The following NBPF9 variants were observed in gnomAD, a reference collection of about 807,000 sequenced individuals.
NBPF9 encodes the protein NBPF family member NBPF9.
A neutral mutation model predicts 97.8 loss-of-function variants in NBPF9; 91 were observed. The observed-to-expected ratio is 0.93, with a 90% CI of 0.79 to 1.11. NBPF9 has a LOEUF of 1.11. Among genes scored for constraint, NBPF9 ranks in the 50% least tolerant of loss-of-function variants. The pLI is 0.00. For missense variants in NBPF9, 992 were observed against 939.5 expected (o/e 1.06, Z -0.73); for synonymous variants, 334 against 359.5 (o/e 0.93, Z 0.80).
At chr1:149,062,381 T>C (rs1279266830) in intron 21 of NBPF9, 116 bp from the exon 22 acceptor site, 1 of 663,000 alleles carries the variant, frequency 1.5e-6, no homozygotes, top group Non-Finnish European at 2.8e-6. Context: ...GACAGATCCA[T>C]TAATGAGGTA....
At chr1:149,067,911 G>T (rs1243618242) in intron 17 of NBPF9, among the ~76,000 whole-genome samples, 1 of 145,500 alleles carries the variant, frequency 6.9e-6, no homozygotes, top group African/African-American at 2.7e-5. Context: ...CGTTGAACTA[G>T]TTTACAGTCC....
rs1434696181 is a variant in NBPF9 at position 149,074,700 on chromosome 1, C to T, written c.989-830G>A. 7.3e-5 allele frequency among the ~76,000 whole-genome samples: 11 copies of T among 151,294 alleles called. No individual in the cohort carries two copies. The South Asian group carries it at 8.4e-4, about 12-fold the overall frequency. ...CTGCACTGCTATCTCCACACATTCTCGGGTGCGAACTTTCTTCCTCTTTAG... is the reference window on the plus strand; with the variant it reads ...CTGCACTGCTATCTCCACACATTCTTGGGTGCGAACTTTCTTCCTCTTTAG... On this transcript the variant is annotated intron_variant, in intron 12 of 29. Coordinates refer to ENST00000584027, the Ensembl canonical transcript of NBPF9.
At chr1:149,063,327 G>T (rs1368608521) in intron 20 of NBPF9, among the ~76,000 whole-genome samples, 1 of 119,174 alleles carries the variant, frequency 8.4e-6, no homozygotes, top group Non-Finnish European at 1.7e-5. Context: ...AAATCTACAA[G>T]ATCTACAAAA....
chr1:149,062,877 T>C (rs1553650484), exon 21 of NBPF9: 2 of 750,450 alleles, frequency 2.7e-6, no homozygotes, highest in African/African-American at 1.8e-5. Context: ...GCATGATGGG[T>C]CTTGGTCTTC....
chr1:149,070,848 T>G (rs1223813141), intron 16 of NBPF9, 86 bp downstream of exon 16: 4 of 1,357,922 alleles, frequency 2.9e-6, no homozygotes, highest in Non-Finnish European at 4.2e-6. Flanking sequence ...TTTATTCAAA[T>G]GAATTTGTGT....
chr1:149,099,743 G>C (rs1320161305), intron 3 of NBPF9, among the ~76,000 whole-genome samples: 8 of 152,014 alleles, frequency 5.3e-5, no homozygotes, highest in African/African-American at 1.9e-4. Flanking sequence ...CCAACACTTT[G>C]AGATGCCAAG....
At chr1:149,081,997 G>A (rs782294304) in exon 7 of NBPF9, 10 of 1,605,786 alleles carry the variant, frequency 6.2e-6, no homozygotes, top group Middle Eastern at 2.1e-4. Context: ...CAGGAAGCCG[G>A]CCAGTTGAGT....
chr1:149,095,991 C>T (rs2081738341), intron 4 of NBPF9, among the ~76,000 whole-genome samples: 1 of 151,738 alleles, frequency 6.6e-6, no homozygotes, highest in Non-Finnish European at 1.5e-5. Flanking sequence ...AATAAACAAA[C>T]TGTGTTGTAG....
At chr1:149,086,683 A>T (rs1314136318) in intron 5 of NBPF9, among the ~76,000 whole-genome samples, 1 of 152,176 alleles carries the variant, frequency 6.6e-6, no homozygotes, top group Non-Finnish European at 1.5e-5. Flanking sequence ...CATATAGCTT[A>T]GAAGGTACAT....
chr1:149,069,079 A>G (rs1478826764), intron 17 of NBPF9, among the ~76,000 whole-genome samples: 1 of 152,204 alleles, frequency 6.6e-6, no homozygotes, highest in Non-Finnish European at 1.5e-5. Context: ...ACCAATGAGA[A>G]CAAAGACAAA....
rs1445975612 is a variant in NBPF9, at chr1:149,061,267, T to C, written c.2303+65A>G. On this transcript the variant is annotated intron_variant, in intron 23 of 29. Transcript: ENST00000584027. ...TAATCGATAATGTCAGCCCGCTCTGTTTTCCCTGAACCAGGAGTCTCCAGA... is the reference window on the plus strand; with the variant it reads ...TAATCGATAATGTCAGCCCGCTCTGCTTTCCCTGAACCAGGAGTCTCCAGA... 1.1e-5 allele frequency: 4 copies of C among 359,650 alleles called. 1 individual carries two copies. The highest frequency in any genetic ancestry group is 5.5e-5 in the South Asian group (2 of 36,600). The allele number at this position is 359,650 out of a possible 1,614,324, so 22.3% of individuals were successfully genotyped here. A position where few individuals can be genotyped will look rare whatever the true frequency, so the allele number is the denominator to read the frequency against.
intron 16 of NBPF9, 88 bp from the exon 17 acceptor site, chr1:149,069,733 T>G: frequency 3.4e-6 from 3 of 886,306 alleles, no homozygotes; most frequent in Non-Finnish European, 5.7e-6. Context: ...GCCAAGGACA[T>G]AACTATTCTC....
At chr1:149,084,531 C>T (rs1199135582) in intron 5 of NBPF9, among the ~76,000 whole-genome samples, 2 of 147,864 alleles carry the variant, frequency 1.4e-5, no homozygotes, top group Non-Finnish European at 3.0e-5. Flanking sequence ...AGCTCTCCGC[C>T]TCCCCCACCC....
chr1:149,093,197 G>A (rs1430474017), intron 4 of NBPF9, among the ~76,000 whole-genome samples: 1 of 151,486 alleles, frequency 6.6e-6, no homozygotes, highest in African/African-American at 2.4e-5. Flanking sequence ...TGCTTTTGAT[G>A]TGCATATACA....
At chr1:149,086,303 C>T (rs1261601499) in intron 5 of NBPF9, among the ~76,000 whole-genome samples, 9 of 151,532 alleles carry the variant, frequency 5.9e-5, no homozygotes, top group African/African-American at 2.2e-4. Context: ...GAAGCCAGTG[C>T]CCTTATACAA....
intron 11 of NBPF9, among the ~76,000 whole-genome samples, chr1:149,076,822 G>A (rs2079915193): frequency 6.6e-6 from 1 of 151,608 alleles, no homozygotes; most frequent in Non-Finnish European, 1.5e-5. Context: ...CTTATTAATA[G>A]CTAAGACAAG....
intron 5 of NBPF9, among the ~76,000 whole-genome samples, chr1:149,084,692 CCG>C (rs2080845984): frequency 6.6e-6 from 1 of 151,616 alleles, no homozygotes; most frequent in Non-Finnish European, 1.5e-5. Flanking sequence ...TCCATCTGGG[CCG>C]CCGTCCCAGG....
intron 29 of NBPF9, among the ~76,000 whole-genome samples, chr1:149,056,163 G>C (rs1179299041): frequency 6.6e-6 from 1 of 151,632 alleles, no homozygotes; most frequent in African/African-American, 2.4e-5. Flanking sequence ...TGACATACTG[G>C]TAAGGGAGTA....
intron 13 of NBPF9, 133 bp downstream of exon 13, chr1:149,073,635 G>A: frequency 2.7e-6 from 2 of 732,618 alleles, no homozygotes; most frequent in Non-Finnish European, 4.8e-6. Context: ...AAATATTTGT[G>A]TGTAGCGAGC....
Sources: gnomAD v4.1 joint callset for allele counts (sites outside exome capture counted in the v4.1 genomes callset) on GRCh38, gnomAD v4.1.1 for gene constraint, MANE v1.5 for transcripts, NCBI Gene and HGNC (gene_info 2026-07-23, HGNC 2026-07-21) for gene names.